The following TSPEAR variants were observed in gnomAD, a reference collection of about 807,000 sequenced individuals.
The protein encoded by TSPEAR is thrombospondin type laminin G domain and EAR repeats, also known as thrombospondin-type laminin G domain and EAR repeat-containing protein.
In TSPEAR, 69 loss-of-function variants were observed where a neutral mutation model predicts 71.6. That is an observed-to-expected ratio of 0.96 (90% CI 0.79 to 1.18). The LOEUF (loss-of-function observed/expected upper bound fraction) is 1.18, where lower values mean the gene tolerates loss of function less well. Among genes scored for constraint, TSPEAR ranks in the 50% most tolerant of loss-of-function variants. The pLI, the probability that TSPEAR is intolerant of heterozygous loss-of-function variation, is 0.00. For synonymous variants in TSPEAR, 402 were observed against 387.2 expected, an observed-to-expected ratio of 1.04 and a Z score of -0.45; for missense variants, 971 against 894.9, an observed-to-expected ratio of 1.09 and a Z score of -1.09.
chr21:44,512,570 C>T (rs1446005078), intron 9 of TSPEAR, among the ~76,000 whole-genome samples: 1 of 152,136 alleles, frequency 6.6e-6, no homozygotes, highest in Non-Finnish European at 1.5e-5. Context: ...GGTGGCGGTG[C>T]TCTGGCCACA....
intron 1 of TSPEAR, among the ~76,000 whole-genome samples, chr21:44,624,125 G>A (rs1267258877): frequency 6.6e-6 from 1 of 151,878 alleles, no homozygotes; most frequent in Non-Finnish European, 1.5e-5. Context: ...CTGTACTCAG[G>A]GCTGAATTTC....
chr21:44,549,402 A>AGG (rs2053360972), intron 2 of TSPEAR, among the ~76,000 whole-genome samples: 3 of 152,268 alleles, frequency 2.0e-5, no homozygotes, highest in African/African-American at 2.4e-5. Flanking sequence ...AGAGACAGTC[A>AGG]GGGCCATCCA....
chr21:44,668,089 C>T (rs1281538233), intron 1 of TSPEAR, among the ~76,000 whole-genome samples: 1 of 152,094 alleles, frequency 6.6e-6, no homozygotes, highest in Non-Finnish European at 1.5e-5. Flanking sequence ...CAAAAAGCAT[C>T]CAAATTGAAA....
At chr21:44,560,127 G>A (rs955338067) in intron 2 of TSPEAR, among the ~76,000 whole-genome samples, 1 of 152,102 alleles carries the variant, frequency 6.6e-6, no homozygotes, top group Non-Finnish European at 1.5e-5. Context: ...TCAAAATAAA[G>A]GAATGGAGGA....
chr21:44,538,268 G>A (rs1037514668), intron 2 of TSPEAR, among the ~76,000 whole-genome samples: 2 of 152,110 alleles, frequency 1.3e-5, no homozygotes, highest in African/African-American at 2.4e-5. Flanking sequence ...CATTGTCCCC[G>A]CTGACGGCCT....
At chr21:44,588,407 A>G (rs937322855) in intron 1 of TSPEAR, among the ~76,000 whole-genome samples, 1 of 152,148 alleles carries the variant, frequency 6.6e-6, no homozygotes, top group African/African-American at 2.4e-5. Context: ...GTGAACAGGG[A>G]AGACTTCTAC....
chr21:44,585,397 T>C (rs1364513395), intron 1 of TSPEAR, among the ~76,000 whole-genome samples: 3 of 152,224 alleles, frequency 2.0e-5, no homozygotes, highest in African/African-American at 7.2e-5. Flanking sequence ...TCATCAGCTG[T>C]GTTCATCCCC....
intron 1 of TSPEAR, among the ~76,000 whole-genome samples, chr21:44,689,739 A>ATATTTTTTTTTTTT (rs1555949531): frequency 7.8e-6 from 1 of 128,172 alleles, no homozygotes; most frequent in African/African-American, 3.2e-5. Context: ...ATATATATAT[A>ATATTTTTTTTTTTT]TTTTGGGGGG....
chr21:44,539,276 C>G, intron 2 of TSPEAR: 2 of 1,600,520 alleles, frequency 1.2e-6, no homozygotes, highest in Non-Finnish European at 8.5e-7. Flanking sequence ...CCATCAGCAG[C>G]TGGACTCCTG....
In TSPEAR at chr21:44,591,448, C is replaced by T. The variant is rs372476477; in HGVS notation, c.83-23443G>A. 2.6e-5 allele frequency: 42 copies of T among 1,613,732 alleles called. No individual in the cohort carries two copies. The highest frequency in any genetic ancestry group is 1.6e-4 in the East Asian group (7 of 44,888). On this transcript the variant is annotated intron_variant, in intron 1 of 11. Coordinates refer to ENST00000323084, the MANE Select transcript of TSPEAR (RefSeq NM_144991.3). ...GCAGGCAGGGCGGGAGCACATGGGG[C>T]GGCAGAGGAGGGAAACACAGGAGGC... is the stretch of plus-strand genomic sequence containing the variant.
At chr21:44,579,526 A>C (rs464684) in intron 1 of TSPEAR, 568,799 of 596,772 alleles carry the variant, frequency 0.95, 271,752 homozygotes, top group Non-Finnish European at 0.97. Context: ...GCCAAGTGAC[A>C]TGGGGCAGAG....
intron 11 of TSPEAR, among the ~76,000 whole-genome samples, chr21:44,502,930 CAGTG>C (rs1400597354): frequency 1.5e-5 from 1 of 68,778 alleles, no homozygotes; most frequent in Non-Finnish European, 3.6e-5. Flanking sequence ...AAGCTGGCCT[CAGTG>C]AGCCCTCGGG....
chr21:44,586,221 TCTCTGGG>T (rs1252595320), intron 1 of TSPEAR, among the ~76,000 whole-genome samples: 4 of 152,202 alleles, frequency 2.6e-5, no homozygotes, highest in Admixed American at 6.5e-5. Flanking sequence ...TGTGTCAGGG[TCTCTGGG>T]AAAAGCCATT....
chr21:44,616,784 G>A (rs587613831), intron 1 of TSPEAR, among the ~76,000 whole-genome samples: 11 of 152,360 alleles, frequency 7.2e-5, no homozygotes, highest in African/African-American at 2.6e-4. Flanking sequence ...ACCACACCAA[G>A]CAGCCCTAAG....
intron 8 of TSPEAR, among the ~76,000 whole-genome samples, chr21:44,522,992 T>C (rs1030157271): frequency 2.6e-5 from 4 of 152,182 alleles, no homozygotes; most frequent in Non-Finnish European, 2.9e-5. Flanking sequence ...GTCAGTCAGA[T>C]AGTCAGTCAT....
At chr21:44,675,963 C>G in intron 1 of TSPEAR, 2 of 820,210 alleles carry the variant, frequency 2.4e-6, no homozygotes, top group Non-Finnish European at 4.4e-6. Flanking sequence ...GTTATTCGGG[C>G]TTCCTTCAGC....
Position 44,499,904 on chromosome 21 carries a change from T to C in TSPEAR, c.1889A>G (p.His630Arg). Reference sequence around the variant, plus strand: ...CCTGCAGCCGACGGTGGGGAGGCTGTGCACCGCCACGAAGCCCTCGTAGCC... The same window carrying C: ...CCTGCAGCCGACGGTGGGGAGGCTGCGCACCGCCACGAAGCCCTCGTAGCC... ...WQGYEGFVAVHSLPTVGCRDW... is the reference protein window; with the variant it reads ...WQGYEGFVAVRSLPTVGCRDW... Residue 630 changes from histidine to arginine, a missense_variant, in exon 12 of 12, where the codon CAC becomes CGC. Physicochemically the swap from His to Arg is conservative, Grantham distance 29. Transcript: ENST00000323084. 6.2e-7 allele frequency: 1 copy of C among 1,607,982 alleles called. No homozygotes were observed. Among genetic ancestry groups the C allele is most frequent in the Non-Finnish European group, 8.5e-7 (1 of 1,178,264 alleles).
intron 8 of TSPEAR, 111 bp from the exon 9 acceptor site, chr21:44,522,223 C>G (rs587634035): frequency 1.9e-6 from 2 of 1,080,660 alleles, no homozygotes; most frequent in Admixed American, 1.9e-5. Flanking sequence ...CGAAGACCCA[C>G]GAGGACAAGG....
At chr21:44,513,196 T>G (rs897052837) in intron 9 of TSPEAR, among the ~76,000 whole-genome samples, 1 of 152,166 alleles carries the variant, frequency 6.6e-6, no homozygotes, top group Admixed American at 6.5e-5. Context: ...GGGCGGTCAT[T>G]GTCATTGGCT....
Sources: allele counts gnomAD v4.1 joint callset (sites outside exome capture counted in the v4.1 genomes callset), GRCh38; gene constraint gnomAD v4.1.1; transcripts MANE v1.5; gene names NCBI Gene and HGNC (gene_info 2026-07-23, HGNC 2026-07-21).